FEZ1: variants seen among roughly 807,000 people sequenced by gnomAD.
FEZ1 encodes the protein fasciculation and elongation protein zeta-1.
Under a neutral mutation model 49.3 loss-of-function variants are expected in FEZ1, and 20 were observed. That is an observed-to-expected ratio of 0.41 (90% CI 0.29 to 0.59). FEZ1 has a LOEUF of 0.59. Ranked by LOEUF, FEZ1 falls within the 20% of genes least tolerant of loss-of-function variation. The pLI is 0.36. For synonymous variants in FEZ1, 170 were observed against 180.9 expected, an observed-to-expected ratio of 0.94 and a Z score of 0.48; for missense variants, 413 against 476.0, an observed-to-expected ratio of 0.87 and a Z score of 1.23.
chr11:125,448,157 A>G (rs1565529783), intron 9 of FEZ1, among the ~76,000 whole-genome samples: 1 of 152,244 alleles, frequency 6.6e-6, no homozygotes, highest in Admixed American at 6.5e-5. Context: ...TTATGTCTCC[A>G]GCTTCCTTTC....
intron 2 of FEZ1, among the ~76,000 whole-genome samples, chr11:125,487,006 C>T (rs192277959): frequency 2.0e-4 from 30 of 152,252 alleles, no homozygotes; most frequent in Non-Finnish European, 3.5e-4. Flanking sequence ...TACCTTATCT[C>T]GAAGGAATTA....
In FEZ1 at chr11:125,495,289, C is replaced by T. The variant is rs1044565067; in HGVS notation, c.-46+832G>A. The T allele has an allele frequency of 2.3e-6, 1 of 442,152 alleles. No homozygotes were observed. The highest frequency in any genetic ancestry group is 2.5e-5 in the Admixed American group (1 of 40,160). 27.4% of individuals were successfully genotyped at this position (442,152 alleles called of 1,614,324 possible). A position where few individuals can be genotyped will look rare whatever the true frequency, so the allele number is the denominator to read the frequency against. On this transcript the variant is annotated intron_variant, in intron 1 of 9. Transcript: ENST00000278919. This position sits in a 1 kb window ranked among gnomAD's most constrained non-coding sequence, Gnocchi z 4.2. The stretch of plus-strand genomic sequence containing the variant: ...CATACACACTCCACTGCCCTTCCGG[C>T]CAAACAAGCCCGGACACGGGAGAGG...
Position 125,443,253 on chromosome 11 carries a change from A to C in FEZ1, c.*2842T>G, listed in dbSNP as rs927585416. Among the ~76,000 whole-genome samples, 7 of 152,156 alleles carry C rather than the reference A, an allele frequency of 4.6e-5. No homozygotes were observed. The highest frequency in any genetic ancestry group is 4.6e-4 in the Admixed American group (7 of 15,270). ...TGCAATCAGGATTGACTCAGGCCTG[A>C]AAATCAGTTAATTCTTGGGACTCTT... On this transcript the variant is annotated 3_prime_UTR_variant, in exon 10 of 10. Transcript: ENST00000278919.
intron 2 of FEZ1, among the ~76,000 whole-genome samples, chr11:125,486,378 G>C (rs1957326926): frequency 6.6e-6 from 1 of 152,132 alleles, no homozygotes; most frequent in Non-Finnish European, 1.5e-5. Flanking sequence ...TTATGGCAAA[G>C]GAAGAGGGTG....
intron 2 of FEZ1, among the ~76,000 whole-genome samples, chr11:125,484,825 A>G (rs1670097749): frequency 1.3e-5 from 2 of 150,730 alleles, no homozygotes; most frequent in South Asian, 4.2e-4. Context: ...GTAGATCTCC[A>G]GCCCAGGGAA....
At chr11:125,459,780 T>C (rs1051106576) in intron 5 of FEZ1, among the ~76,000 whole-genome samples, 1 of 152,026 alleles carries the variant, frequency 6.6e-6, no homozygotes, top group African/African-American at 2.4e-5. Context: ...GGTGTGAAGA[T>C]GAAATGAGAT....
chr11:125,460,810 T>TA, intron 4 of FEZ1, 144 bp from the exon 5 acceptor site: 1 of 626,352 alleles, frequency 1.6e-6, no homozygotes, highest in South Asian at 2.7e-5. Flanking sequence ...TACTGAATAA[T>TA]AAAAATAGTT....
chr11:125,478,635 A>G (rs1957253907), intron 3 of FEZ1, among the ~76,000 whole-genome samples: 1 of 152,204 alleles, frequency 6.6e-6, no homozygotes, highest in East Asian at 1.9e-4. Flanking sequence ...TCCTACTGTA[A>G]TTAATCCAGA....
chr11:125,487,237 G>A (rs571591561), intron 2 of FEZ1, among the ~76,000 whole-genome samples: 1 of 152,298 alleles, frequency 6.6e-6, no homozygotes, highest in East Asian at 1.9e-4. Flanking sequence ...CAAAAGGAAT[G>A]GGACGCATCT....
intron 3 of FEZ1, among the ~76,000 whole-genome samples, chr11:125,464,377 A>T (rs888154579): frequency 1.3e-5 from 2 of 152,260 alleles, no homozygotes; most frequent in Non-Finnish European, 2.9e-5. Context: ...AGAAAAGTTA[A>T]TCACTAAACA....
At position 125,489,487 on chromosome 11, in the gene FEZ1, C is replaced by A; in HGVS notation, c.291G>T (p.Glu97Asp). Residue 97 changes from glutamate to aspartate, a missense_variant, in exon 2 of 10, where the codon GAG becomes GAT. Coordinates refer to ENST00000278919, the MANE Select transcript of FEZ1 (RefSeq NM_005103.5). The surrounding 1 kb of genome is among the most constrained non-coding windows in gnomAD (Gnocchi z 4.2). ...VKNQLQIQEEEETLQDEEVWD... is the reference protein window; with the variant it reads ...VKNQLQIQEEDETLQDEEVWD... ...CTTACTCCTCGTCCTGAAGGGTCTCCTCCTCCTCTTGGATCTGTAACTGGT... is the reference window on the plus strand; with the variant it reads ...CTTACTCCTCGTCCTGAAGGGTCTCATCCTCCTCTTGGATCTGTAACTGGT... 6.2e-7 allele frequency: 1 copy of A among 1,613,666 alleles called. No homozygotes were observed. Among genetic ancestry groups the A allele is most frequent in the Admixed American group, 1.7e-5 (1 of 59,916 alleles).
In FEZ1 at chr11:125,489,625, G is replaced by A. The variant is rs142040535; in HGVS notation, c.153C>T (p.Ser51=). ...CCATGGACTTGAAGCTGATTATTTCGGAAGAAAAATTCTCAAGCTCGGAGA... is the reference window on the plus strand; with the variant it reads ...CCATGGACTTGAAGCTGATTATTTCAGAAGAAAAATTCTCAAGCTCGGAGA... ...PSLSELENFS[S]EIISFKSMED... The change falls in exon 2 of 10, where the codon TCC becomes TCT. Residue 51 remains serine (S), a synonymous_variant. Transcript: ENST00000278919. The surrounding 1 kb of genome is among the most constrained non-coding windows in gnomAD (Gnocchi z 4.2). 5.2e-5 allele frequency: 84 copies of A among 1,614,060 alleles called. No individual in the cohort carries two copies. In the African/African-American group the frequency reaches 5.9e-4, roughly 11 times the overall value.
chr11:125,481,718 A>G (rs1323702225), intron 2 of FEZ1, 85 bp from the exon 3 acceptor site: 1 of 937,688 alleles, frequency 1.1e-6, no homozygotes, highest in Non-Finnish European at 1.8e-6. Flanking sequence ...GGGAGAGGAG[A>G]GAGGCTTCTG....
intron 2 of FEZ1, among the ~76,000 whole-genome samples, chr11:125,483,766 T>G (rs1268385790): frequency 6.6e-6 from 1 of 152,180 alleles, no homozygotes; most frequent in Non-Finnish European, 1.5e-5. Context: ...GGCAGGAGCC[T>G]TTTGTATCTC....
intron 2 of FEZ1, chr11:125,488,610 G>A (rs1395560585): frequency 2.4e-6 from 1 of 409,848 alleles, no homozygotes; most frequent in East Asian, 1.6e-4. Flanking sequence ...AACCTGGGAG[G>A]TGGAGGTTGC....
Position 125,463,415 on chromosome 11 carries a change from T to C in FEZ1, c.498+69A>G. ...TTCTGCCTTAAATGGATGTGGCAAG[T>C]GTGTTCTCTTGGACTTTTTCTCCAT... On this transcript the variant is annotated intron_variant, in intron 4 of 9. Transcript: ENST00000278919. 3 of 868,278 alleles carry C rather than the reference T, an allele frequency of 3.5e-6. No homozygotes were observed. In the East Asian group the frequency reaches 7.2e-5, roughly 21 times the overall value. 53.8% of individuals were successfully genotyped at this position (868,278 alleles called of 1,614,324 possible). A position where few individuals can be genotyped will look rare whatever the true frequency, so the allele number is the denominator to read the frequency against.
intron 9 of FEZ1, among the ~76,000 whole-genome samples, 166 bp downstream of exon 9, chr11:125,448,336 C>A (rs2135734509): frequency 6.6e-6 from 1 of 152,302 alleles, no homozygotes; most frequent in Admixed American, 6.5e-5. Context: ...GGCCTCCTGG[C>A]AACACCCAAA....
intron 3 of FEZ1, among the ~76,000 whole-genome samples, chr11:125,473,802 G>C (rs191643298): frequency 0.026 from 3,474 of 135,350 alleles, 63 homozygotes; most frequent in South Asian, 0.06. Context: ...CTGGGCAACA[G>C]AGCAAGACTC....
In FEZ1 at chr11:125,495,415, C is replaced by T. The variant is rs1957450645; in HGVS notation, c.-46+706G>A. 4 of 470,792 alleles carry T rather than the reference C, an allele frequency of 8.5e-6. No individual in the cohort carries two copies. The highest frequency in any genetic ancestry group is 4.7e-5 in the Admixed American group (2 of 42,546). The allele number at this position is 470,792 out of a possible 1,614,324, so 29.2% of individuals were successfully genotyped here. A position where few individuals can be genotyped will look rare whatever the true frequency, so the allele number is the denominator to read the frequency against. On this transcript the variant is annotated intron_variant, in intron 1 of 9. Coordinates refer to ENST00000278919, the MANE Select transcript of FEZ1 (RefSeq NM_005103.5). The surrounding 1 kb of genome is among the most constrained non-coding windows in gnomAD (Gnocchi z 4.2). ...CCTCGACGCCGTCAAACACTGCTCC[C>T]CGCATTCCAGAGCCCGGGGCCCACC...
Sources: allele counts gnomAD v4.1 joint callset (sites outside exome capture counted in the v4.1 genomes callset), GRCh38; gene constraint gnomAD v4.1.1; non-coding constraint Gnocchi (gnomAD v3.1); transcripts MANE v1.5; gene names NCBI Gene and HGNC (gene_info 2026-07-23, HGNC 2026-07-21).